SHOC1: variants seen among roughly 807,000 people sequenced by gnomAD.
SHOC1 encodes protein shortage in chiasmata 1 ortholog.
SHOC1 carries 136 observed loss-of-function variants against 179.2 expected under a neutral mutation model. The observed-to-expected ratio is 0.76, with a 90% CI of 0.66 to 0.87. The LOEUF is 0.87. SHOC1 is among the 40% of genes least tolerant of loss of function. The probability of loss-of-function intolerance (pLI) is 0.00; values close to 1 mark genes in which losing one functional copy is unlikely to be tolerated. For synonymous variants in SHOC1, 489 were observed against 586.6 expected (o/e 0.83, Z 2.41); for missense variants, 1,538 against 1,700.8 (o/e 0.90, Z 1.68).
At chr9:111,791,632 G>A (rs1836449074) in intron 1 of SHOC1, among the ~76,000 whole-genome samples, 178 bp from the exon 2 acceptor site, 1 of 152,106 alleles carries the variant, frequency 6.6e-6, no homozygotes, top group Non-Finnish European at 1.5e-5. Context: ...TATATTGATA[G>A]AAAATTGAAT....
intron 5 of SHOC1, among the ~76,000 whole-genome samples, chr9:111,766,384 ATTTCC>A (rs1278606328): frequency 6.6e-6 from 1 of 152,118 alleles, no homozygotes; most frequent in Non-Finnish European, 1.5e-5. Flanking sequence ...TTTTGATATA[ATTTCC>A]TTTCTTTTCC....
chr9:111,740,320 T>C (rs1001356164), intron 11 of SHOC1, among the ~76,000 whole-genome samples: 1 of 152,190 alleles, frequency 6.6e-6, no homozygotes, highest in Non-Finnish European at 1.5e-5. Flanking sequence ...AATAGAAAGC[T>C]TGGAGTGAAA....
intron 12 of SHOC1, among the ~76,000 whole-genome samples, chr9:111,731,981 G>A (rs1248622340): frequency 2.6e-5 from 4 of 151,968 alleles, no homozygotes; most frequent in Admixed American, 2.0e-4. Context: ...ACAATAAAAT[G>A]AGATGAGCCT....
Position 111,727,736 on chromosome 9 carries a change from T to G in SHOC1, c.1731A>C (p.Lys577Asn). Residue 577 changes from lysine to asparagine, a missense_variant, in exon 13 of 28, where the codon AAA becomes AAC. By Grantham distance (94) the Lys-to-Asn change is moderately conservative. Coordinates refer to ENST00000682961, the MANE Select transcript of SHOC1 (RefSeq NM_001378211.1). Reference protein sequence around the residue: ...IKKASFEHGKKQENDLDLLSD... With the variant: ...IKKASFEHGKNQENDLDLLSD... ...TCAAAAGGTCCAAATCATTCTCTTGTTTTTTGCCATGTTCAAAAGATGCTT... is the reference window on the plus strand; with the variant it reads ...TCAAAAGGTCCAAATCATTCTCTTGGTTTTTGCCATGTTCAAAAGATGCTT... 2 of 1,613,478 alleles carry G rather than the reference T, an allele frequency of 1.2e-6. No individual in the cohort carries two copies. Among genetic ancestry groups the G allele is most frequent in the South Asian group, 1.1e-5 (1 of 91,004 alleles).
At chr9:111,712,466 A>T (rs540840976) in intron 18 of SHOC1, among the ~76,000 whole-genome samples, 1 of 152,300 alleles carries the variant, frequency 6.6e-6, no homozygotes, top group Admixed American at 6.5e-5. Flanking sequence ...ATGTAGAGAA[A>T]ATTATCAGCT....
chr9:111,710,440 C>G lies in SHOC1; in HGVS notation c.2489-2516G>C, dbSNP rs144750249. Reference sequence around the variant, plus strand: ...CTATATTTGTATATTTCGGTTCAGTCTTTTTCACTAGTTCTAGTGTGTACT... The same window carrying G: ...CTATATTTGTATATTTCGGTTCAGTGTTTTTCACTAGTTCTAGTGTGTACT... On this transcript the variant is annotated intron_variant, in intron 18 of 27. Transcript: ENST00000682961. Among the ~76,000 whole-genome samples the G allele has an allele frequency of 9.9e-5, 15 of 152,232 alleles. No individual in the cohort carries two copies. The East Asian group carries it at 2.7e-3, about 27-fold the overall frequency.
intron 20 of SHOC1, among the ~76,000 whole-genome samples, chr9:111,705,758 A>G (rs1000952821): frequency 1.3e-5 from 2 of 152,104 alleles, no homozygotes; most frequent in African/African-American, 4.8e-5. Context: ...TGTATTAAAT[A>G]TATACTGATT....
intron 24 of SHOC1, among the ~76,000 whole-genome samples, chr9:111,697,534 T>G (rs1831758870): frequency 6.6e-6 from 1 of 152,224 alleles, no homozygotes; most frequent in South Asian, 2.1e-4. Context: ...TCCTTTTTTA[T>G]GGCTGCATAG....
At chr9:111,774,508 C>T (rs1835751178) in intron 5 of SHOC1, among the ~76,000 whole-genome samples, 1 of 152,104 alleles carries the variant, frequency 6.6e-6, no homozygotes, top group African/African-American at 2.4e-5. Context: ...CCATGTTGCC[C>T]AGGCTGGTCT....
intron 12 of SHOC1, among the ~76,000 whole-genome samples, chr9:111,729,996 A>G (rs971868988): frequency 1.3e-5 from 2 of 152,206 alleles, no homozygotes; most frequent in Non-Finnish European, 2.9e-5. Context: ...CAATGTTCAC[A>G]GAATCTTCAC....
At chr9:111,762,757 A>G (rs7028237) in intron 5 of SHOC1, among the ~76,000 whole-genome samples, 77,307 of 152,000 alleles carry the variant, frequency 0.51, 21,304 homozygotes, top group East Asian at 0.87. Context: ...ACCATTGAAA[A>G]TGACATACAC....
intron 16 of SHOC1, among the ~76,000 whole-genome samples, chr9:111,717,853 G>A (rs1832866111): frequency 6.6e-6 from 1 of 152,084 alleles, no homozygotes; most frequent in African/African-American, 2.4e-5. Context: ...AAAATGCAAT[G>A]AGGACCCAAA....
chr9:111,765,374 G>T (rs1052914622), intron 5 of SHOC1, among the ~76,000 whole-genome samples: 2 of 152,142 alleles, frequency 1.3e-5, no homozygotes, highest in Non-Finnish European at 2.9e-5. Flanking sequence ...AAGGTGAAAG[G>T]ATCACTTGAG....
intron 11 of SHOC1, among the ~76,000 whole-genome samples, chr9:111,739,945 C>A (rs1833963098): frequency 6.6e-6 from 1 of 152,156 alleles, no homozygotes; most frequent in Non-Finnish European, 1.5e-5. Context: ...ACTTTTGTCT[C>A]TATGTGTTTG....
At chr9:111,756,043 A>C (rs1235257505) in intron 8 of SHOC1, among the ~76,000 whole-genome samples, 1 of 151,950 alleles carries the variant, frequency 6.6e-6, no homozygotes, top group African/African-American at 2.4e-5. Context: ...AATCGCTTGA[A>C]CCTGGGAGGC....
chr9:111,699,292 G>A (rs1469594957), intron 24 of SHOC1, among the ~76,000 whole-genome samples: 1 of 152,174 alleles, frequency 6.6e-6, no homozygotes, highest in South Asian at 2.1e-4. Flanking sequence ...CATAAACTAA[G>A]CTTGTGGGAG....
In SHOC1 at chr9:111,691,982, T is replaced by A; in HGVS notation, c.3995A>T (p.His1332Leu). Reference sequence around the variant, plus strand: ...TTTATTTATGAAACCTTTTGCTTCATGTGTTCTCCTTTTCTGAGAATTTAT... The same window carrying A: ...TTTATTTATGAAACCTTTTGCTTCAAGTGTTCTCCTTTTCTGAGAATTTAT... Reference protein sequence around the residue: ...RFINSQKRRTHEAKGFINKDV... With the variant: ...RFINSQKRRTLEAKGFINKDV... Residue 1332 changes from histidine to leucine, a missense_variant, in exon 27 of 28, where the codon CAT becomes CTT. By Grantham distance (99) the His-to-Leu change is moderately conservative. Coordinates refer to ENST00000682961, the MANE Select transcript of SHOC1 (RefSeq NM_001378211.1). The A allele has an allele frequency of 6.2e-7, 1 of 1,613,470 alleles. No individual in the cohort carries two copies. Among genetic ancestry groups the A allele is most frequent in the Non-Finnish European group, 8.5e-7 (1 of 1,179,772 alleles).
intron 1 of SHOC1, 51 bp from the exon 2 acceptor site, chr9:111,791,505 G>T: frequency 2.5e-6 from 2 of 794,770 alleles, no homozygotes; most frequent in Non-Finnish European, 3.7e-6. Context: ...CAAGTCAAGT[G>T]CAGAAAATCT....
intron 9 of SHOC1, among the ~76,000 whole-genome samples, chr9:111,746,642 C>T (rs1392616303): frequency 6.6e-6 from 1 of 152,034 alleles, no homozygotes; most frequent in Non-Finnish European, 1.5e-5. Flanking sequence ...GTACTCCAAC[C>T]TGGGCAACAG....
Sources: gnomAD v4.1 joint callset for allele counts (sites outside exome capture counted in the v4.1 genomes callset) on GRCh38, gnomAD v4.1.1 for gene constraint, MANE v1.5 for transcripts, NCBI Gene and HGNC (gene_info 2026-07-23, HGNC 2026-07-21) for gene names.